TNS2: variants seen among roughly 807,000 people sequenced by gnomAD.
TNS2 encodes the protein tensin 2.
A neutral mutation model predicts 155.7 loss-of-function variants in TNS2; 77 were observed. That is an observed-to-expected ratio of 0.49 (90% CI 0.41 to 0.60). The LOEUF is 0.60. Among genes scored for constraint, TNS2 ranks in the 20% least tolerant of loss-of-function variants. TNS2 has a pLI of 0.00. For missense variants in TNS2, 1,703 were observed against 1,868.8 expected (o/e 0.91, Z 1.64); for synonymous variants, 726 against 763.9 (o/e 0.95, Z 0.82).
At chr12:53,058,529 G>T (rs202246832) in intron 15 of TNS2, 43 bp from the exon 16 acceptor site, 1 of 1,613,840 alleles carries the variant, frequency 6.2e-7, no homozygotes, top group East Asian at 2.2e-5. Context: ...GGAGAGTGTG[G>T]TATGGGCCAG....
chr12:53,061,133 A>G lies in TNS2; in HGVS notation c.3227A>G (p.Lys1076Arg). 2.5e-6 allele frequency: 4 copies of G among 1,610,538 alleles called. No homozygotes were observed. Among genetic ancestry groups the G allele is most frequent in the Non-Finnish European group, 3.4e-6 (4 of 1,178,298 alleles). The change falls in exon 20 of 29, where the codon AAA becomes AGA. Residue 1076 changes from lysine (K) to arginine (R), a missense_variant. Coordinates refer to ENST00000314250, the MANE Select transcript of TNS2 (RefSeq NM_170754.4). ...NGLSQPPLPE[K>R]RHLPGPGQQP... ...CTTAGCCAGCCCCCACTTCCTGAGA[A>G]ACGCCACCTGCCCGGGCCGGGGCAA...
upstream of TNS2, among the ~76,000 whole-genome samples, chr12:53,047,465 G>C (rs1399971610): frequency 7.1e-6 from 1 of 140,770 alleles, no homozygotes; most frequent in African/African-American, 2.5e-5. Context: ...GCGCGGGGCC[G>C]CCGGAGGTCG....
rs1592252717 is a variant in TNS2 at position 53,059,061 on chromosome 12, A to C, written c.1420A>C (p.Thr474Pro). Residue 474 changes from threonine (T) to proline (P), a missense_variant, in exon 18 of 29, where the codon ACC becomes CCC. Thr to Pro is a conservative substitution (Grantham distance 38, BLOSUM62 -1). Transcript: ENST00000314250. The surrounding 1 kb of genome is among the most constrained non-coding windows in gnomAD (Gnocchi z 4.7). ...TCCCCACTCAGGCTCCTTGACCCACACCCGGGGTCCCCTGGATGGCAGTCC... is the reference window on the plus strand; with the variant it reads ...TCCCCACTCAGGCTCCTTGACCCACCCCCGGGGTCCCCTGGATGGCAGTCC... ...EDSVDGSLTH[T>P]RGPLDGSPYA... 1 of 1,531,240 alleles carries C rather than the reference A, an allele frequency of 6.5e-7. No homozygotes were observed. The highest frequency in any genetic ancestry group is 8.8e-7 in the Non-Finnish European group (1 of 1,142,016). The allele number at this position is 1,531,240 out of a possible 1,614,324, so 94.9% of individuals were successfully genotyped here. A position where few individuals can be genotyped will look rare whatever the true frequency, so the allele number is the denominator to read the frequency against.
At chr12:53,048,079 G>T (rs1592237034), upstream of TNS2, among the ~76,000 whole-genome samples, 1 of 152,166 alleles carries the variant, frequency 6.6e-6, no homozygotes, top group Admixed American at 6.5e-5. Flanking sequence ...GGAGGGTGAG[G>T]GTCCAAGAGG....
intron 14 of TNS2, 41 bp downstream of exon 14, chr12:53,058,143 G>A: frequency 1.2e-6 from 2 of 1,613,612 alleles, no homozygotes; most frequent in Non-Finnish European, 1.7e-6. Context: ...CTGGAGATGG[G>A]GCAGGGGTTG....
At position 53,057,733 on chromosome 12, in the gene TNS2, A is replaced by T. The variant is rs530351227; in HGVS notation, c.959-40A>T. On this transcript the variant is annotated intron_variant, in intron 12 of 28. Coordinates refer to ENST00000314250, the MANE Select transcript of TNS2 (RefSeq NM_170754.4). ...GGAGAACCACCTTCAGGCCCTCTCC[A>T]CTCAGCACCCCTCCTGTGCCTTCTC... 1.5e-5 allele frequency: 25 copies of T among 1,613,944 alleles called. No homozygotes were observed. The South Asian group carries it at 2.5e-4, about 16-fold the overall frequency.
rs758867839 is a variant in TNS2 at position 53,055,657 on chromosome 12, T to C, written c.663T>C (p.Ala221=). ...AAGCCATGGAGACATGGCTCAGTGC[T>C]GACCCACAGCACGTGGTCGTACTAT... ...ICKAMETWLS[A]DPQHVVVLYC... is the part of the protein sequence containing the mutation. Residue 221 remains alanine, a synonymous_variant, in exon 9 of 29, where the codon GCT becomes GCC. Coordinates refer to ENST00000314250, the MANE Select transcript of TNS2 (RefSeq NM_170754.4). 5 of 1,614,074 alleles carry C rather than the reference T, an allele frequency of 3.1e-6. No homozygotes were observed. The African/African-American group carries it at 5.3e-5, about 17-fold the overall frequency.
At chr12:53,051,263 T>C (rs1455646361) in intron 1 of TNS2, among the ~76,000 whole-genome samples, 1 of 152,040 alleles carries the variant, frequency 6.6e-6, no homozygotes, top group Non-Finnish European at 1.5e-5. Flanking sequence ...CCCTCCAGCA[T>C]GACCACCCCC....
chr12:53,060,679 C>G lies in TNS2; in HGVS notation c.2773C>G (p.Arg925Gly), dbSNP rs775736487. Reference protein sequence around the residue: ...SSPVQGKESTRRQDTRSPTSA... With the variant: ...SSPVQGKESTGRQDTRSPTSA... ...ATCTGCCCTTCCACCCTACAGCACCCGGCGACAGGACACCAGGTCCCCCAC... is the reference window on the plus strand; with the variant it reads ...ATCTGCCCTTCCACCCTACAGCACCGGGCGACAGGACACCAGGTCCCCCAC... The change falls in exon 20 of 29, where the codon CGG (arginine) becomes GGG (glycine). Residue 925 changes from arginine (R) to glycine (G), a missense_variant. By Grantham distance (125) the Arg-to-Gly change is moderately radical. Coordinates refer to ENST00000314250, the MANE Select transcript of TNS2 (RefSeq NM_170754.4). This position sits in a 1 kb window ranked among gnomAD's most constrained non-coding sequence, Gnocchi z 6.1. 2 of 1,579,040 alleles carry G rather than the reference C, an allele frequency of 1.3e-6. No homozygotes were observed. The highest frequency in any genetic ancestry group is 1.7e-6 in the Non-Finnish European group (2 of 1,158,638).
intron 20 of TNS2, 26 bp from the exon 21 acceptor site, chr12:53,061,354 C>G (rs368757797): frequency 6.2e-7 from 1 of 1,613,638 alleles, no homozygotes; most frequent in African/African-American, 1.3e-5. Flanking sequence ...ACCCTGGGGT[C>G]TGAACCTACT....
rs1380585559 is a variant in TNS2, at chr12:53,055,052, GGGGTTATAGGCGT to G, written c.523-132_523-120del. 31 of 972,856 alleles carry G rather than the reference GGGGTTATAGGCGT, an allele frequency of 3.2e-5. No homozygotes were observed. The Admixed American group carries it at 6.6e-4, about 21-fold the overall frequency. The allele number at this position is 972,856 out of a possible 1,614,324, so 60.3% of individuals were successfully genotyped here. A position where few individuals can be genotyped will look rare whatever the true frequency, so the allele number is the denominator to read the frequency against. On this transcript the variant is annotated intron_variant, in intron 7 of 28. Transcript: ENST00000314250. ...GCCCGCCTTGGTCTCCCAAAGTGCTGGGGTTATAGGCGTGAGTTACTGCGACCGGCCTGCACCT... is the reference window on the plus strand; with the variant it reads ...GCCCGCCTTGGTCTCCCAAAGTGCTGGAGTTACTGCGACCGGCCTGCACCT...
At position 53,058,963 on chromosome 12, in the gene TNS2, C is replaced by G. The variant is rs565302973; in HGVS notation, c.1406-84C>G. On this transcript the variant is annotated intron_variant, in intron 17 of 28. Transcript: ENST00000314250. Reference sequence around the variant, plus strand: ...GACACCCCCGGCCCGACAGCTGTCTCCAGTGCCATCCCCTCTCATGAATTT... The same window carrying G: ...GACACCCCCGGCCCGACAGCTGTCTGCAGTGCCATCCCCTCTCATGAATTT... 4 of 1,543,202 alleles carry G rather than the reference C, an allele frequency of 2.6e-6. No individual in the cohort carries two copies. In the African/African-American group the frequency reaches 5.4e-5, roughly 21 times the overall value.
chr12:53,063,355 C>A lies in TNS2; in HGVS notation c.3999C>A (p.Phe1333Leu). 1 of 1,614,072 alleles carries A rather than the reference C, an allele frequency of 6.2e-7. No homozygotes were observed. The highest frequency in any genetic ancestry group is 8.5e-7 in the Non-Finnish European group (1 of 1,179,994). Residue 1333 changes from phenylalanine to leucine, a missense_variant, in exon 27 of 29, where the codon TTC (phenylalanine) becomes TTA (leucine). By Grantham distance (22) the Phe-to-Leu change is conservative (BLOSUM62 0). Transcript: ENST00000314250. The surrounding 1 kb of genome is among the most constrained non-coding windows in gnomAD (Gnocchi z 5.6). ...ITLTDNQRKL[F>L]FRRHYPVNSI... ...CTCACCCTCCTCCTTGCAGGCTCTT[C>A]TTTCGCCGCCATTATCCAGTGAACA...
intron 10 of TNS2, 122 bp from the exon 11 acceptor site, chr12:53,056,891 C>G (rs1944178969): frequency 1.1e-6 from 1 of 890,270 alleles, no homozygotes; most frequent in African/African-American, 1.7e-5. Context: ...CTCATTACCA[C>G]TACTCTGGGC....
chr12:53,063,717 C>T lies in TNS2; in HGVS notation c.4092-27C>T, dbSNP rs543428496. On this transcript the variant is annotated intron_variant, in intron 28 of 28. Coordinates refer to ENST00000314250, the MANE Select transcript of TNS2 (RefSeq NM_170754.4). The surrounding 1 kb of genome is among the most constrained non-coding windows in gnomAD (Gnocchi z 5.6). ...ATTCCCTTGTGGAAGGAATGTTAAG[C>T]CCCTTCCCCACCCTTTATCCCCCTA... 1 of 1,613,776 alleles carries T rather than the reference C, an allele frequency of 6.2e-7. No homozygotes were observed. The highest frequency in any genetic ancestry group is 1.3e-5 in the African/African-American group (1 of 75,038).
In TNS2 at chr12:53,051,876, A is replaced by G; in HGVS notation, c.97A>G (p.Ser33Gly). 6.2e-7 allele frequency: 1 copy of G among 1,613,520 alleles called. No homozygotes were observed. The highest frequency in any genetic ancestry group is 8.5e-7 in the Non-Finnish European group (1 of 1,179,682). Residue 33 changes from serine to glycine, a missense_variant, in exon 2 of 29, where the codon AGC becomes GGC. Physicochemically the swap from Ser to Gly is moderately conservative, Grantham distance 56 (BLOSUM62 0). Transcript: ENST00000314250. ...TCAGCCTAGGAAAGCTGAGCCTCAT[A>G]GCTTCCGGGAGAAGGTTTTCCGGAA... ...ASRPRKAEPH[S>G]FREKVFRKKP...
In TNS2 at chr12:53,059,305, G is replaced by A. The variant is rs200251663; in HGVS notation, c.1664G>A (p.Arg555Gln). 22 of 1,461,042 alleles carry A rather than the reference G, an allele frequency of 1.5e-5. No homozygotes were observed. The highest frequency in any genetic ancestry group is 7.3e-5 in the East Asian group (3 of 40,856). The allele number at this position is 1,461,042 out of a possible 1,614,324, so 90.5% of individuals were successfully genotyped here. A position where few individuals can be genotyped will look rare whatever the true frequency, so the allele number is the denominator to read the frequency against. Reference protein sequence around the residue: ...LGGCGVASGGRGAGRETAILD... With the variant: ...LGGCGVASGGQGAGRETAILD... ...GGCTGCGGAGTGGCCAGTGGGGGCC[G>A]GGGAGCTGGGCGCGAGACGGCCATC... is the stretch of plus-strand genomic sequence containing the variant. The change falls in exon 18 of 29, where the codon CGG becomes CAG. Residue 555 changes from arginine to glutamine, a missense_variant. Arg to Gln is a conservative substitution (Grantham distance 43). Transcript: ENST00000314250. This position sits in a 1 kb window ranked among gnomAD's most constrained non-coding sequence, Gnocchi z 4.7.
chr12:53,055,514 A>T, intron 8 of TNS2, 54 bp from the exon 9 acceptor site: 2 of 1,552,076 alleles, frequency 1.3e-6, no homozygotes, highest in Non-Finnish European at 1.7e-6. Flanking sequence ...CACCCTGCCC[A>T]TCTCTCTCTG....
At chr12:53,055,342 T>G in intron 8 of TNS2, 106 bp downstream of exon 8, 2 of 1,335,292 alleles carry the variant, frequency 1.5e-6, no homozygotes, top group African/African-American at 2.9e-5. Context: ...ACTTCACTCT[T>G]AAGCACTTTC....
Sources: gnomAD v4.1 joint callset for allele counts (sites outside exome capture counted in the v4.1 genomes callset) on GRCh38, gnomAD v4.1.1 for gene constraint, Gnocchi (gnomAD v3.1) non-coding constraint, MANE v1.5 for transcripts, NCBI Gene and HGNC (gene_info 2026-07-23, HGNC 2026-07-21) for gene names.